Variants in ZNF892 observed in about 807,000 individuals in gnomAD.
ZNF892 encodes the protein zinc finger protein 892.
chr2:95,214,753 A>C, the ZNF892 span: 7 of 444,972 alleles, frequency 1.6e-5, no homozygotes, highest in Non-Finnish European at 2.9e-5. Flanking sequence ...GTCTTGCATC[A>C]GAGAATTCAC....
the ZNF892 span, among the ~76,000 whole-genome samples, chr2:95,240,335 A>G: frequency 3.3e-5 from 5 of 152,218 alleles, no homozygotes; most frequent in African/African-American, 1.2e-4. Flanking sequence ...GCAATGGCCC[A>G]CACAGGAGCA....
At chr2:95,252,743 A>C in the ZNF892 span, among the ~76,000 whole-genome samples, 10 of 152,110 alleles carry the variant, frequency 6.6e-5, no homozygotes, top group South Asian at 6.2e-4. Flanking sequence ...CCTCTCCAGC[A>C]CCTGTTGTTT....
chr2:95,258,199 C>T, the ZNF892 span, among the ~76,000 whole-genome samples: 560 of 152,324 alleles, frequency 3.7e-3, 5 homozygotes, highest in Non-Finnish European at 5.6e-3. Context: ...CCTATTTGGC[C>T]ATCTTGGCTC....
chr2:95,211,872 G>C, the ZNF892 span, among the ~76,000 whole-genome samples: 1 of 152,216 alleles, frequency 6.6e-6, no homozygotes, highest in South Asian at 2.1e-4. Context: ...TCTGGATATA[G>C]TTTTAACACT....
At chr2:95,207,635 G>C in the ZNF892 span, 1 of 393,960 alleles carries the variant, frequency 2.5e-6, no homozygotes, top group Non-Finnish European at 4.5e-6. Flanking sequence ...GGTAGAGGAG[G>C]GCTGAACGCA....
the ZNF892 span, among the ~76,000 whole-genome samples, chr2:95,240,915 T>C: frequency 6.6e-5 from 10 of 152,320 alleles, no homozygotes; most frequent in African/African-American, 2.2e-4. Context: ...AGCAGCACCT[T>C]GATCCATTCC....
the ZNF892 span, among the ~76,000 whole-genome samples, chr2:95,233,533 CGTGGTGGTGGGCGCCT>C: frequency 1.3e-5 from 2 of 150,718 alleles, no homozygotes; most frequent in African/African-American, 4.9e-5. Context: ...ATTAGCCGGG[CGTGGTGGTGGGCGCCT>C]GTAGTCCCAG....
At chr2:95,232,825 G>GTATGTATATA in the ZNF892 span, among the ~76,000 whole-genome samples, 27 of 152,308 alleles carry the variant, frequency 1.8e-4, no homozygotes, top group African/African-American at 6.5e-4. Flanking sequence ...GTATGTATAT[G>GTATGTATATA]TATGTATTTA....
chr2:95,243,556 A>C, the ZNF892 span, among the ~76,000 whole-genome samples: 1 of 146,754 alleles, frequency 6.8e-6, no homozygotes, highest in Non-Finnish European at 1.5e-5. Flanking sequence ...CTGAGAAGTG[A>C]GGAGACCCTC....
At chr2:95,244,110 A>C in the ZNF892 span, among the ~76,000 whole-genome samples, 1 of 150,918 alleles carries the variant, frequency 6.6e-6, no homozygotes, top group Non-Finnish European at 1.5e-5. Flanking sequence ...GGGCGGTGCA[A>C]GATGTGCTTT....
the ZNF892 span, among the ~76,000 whole-genome samples, chr2:95,218,899 C>T: frequency 6.6e-6 from 1 of 152,208 alleles, no homozygotes; most frequent in African/African-American, 2.4e-5. Flanking sequence ...CAGAACCTAT[C>T]TCCAAATATA....
chr2:95,241,567 C>G, the ZNF892 span, among the ~76,000 whole-genome samples: 4 of 152,154 alleles, frequency 2.6e-5, no homozygotes, highest in Admixed American at 1.3e-4. Flanking sequence ...GCTGAAAACT[C>G]AAAAAGCCAG....
chr2:95,217,842 C>G, the ZNF892 span, among the ~76,000 whole-genome samples: 2 of 152,154 alleles, frequency 1.3e-5, no homozygotes, highest in African/African-American at 4.8e-5. Flanking sequence ...GCCCCTAAGT[C>G]TTCAGTTGGA....
chr2:95,253,273 A>G, the ZNF892 span, among the ~76,000 whole-genome samples: 6 of 152,292 alleles, frequency 3.9e-5, no homozygotes, highest in South Asian at 1.2e-3. Flanking sequence ...AGGTGTAAGG[A>G]AGGGATCCAG....
At chr2:95,237,434 A>C in the ZNF892 span, among the ~76,000 whole-genome samples, 1 of 152,270 alleles carries the variant, frequency 6.6e-6, no homozygotes, top group South Asian at 2.1e-4. Flanking sequence ...ACCGCCATTA[A>C]GATGGTGAAC....
At chr2:95,243,181 G>A in the ZNF892 span, among the ~76,000 whole-genome samples, 2 of 152,266 alleles carry the variant, frequency 1.3e-5, no homozygotes, top group South Asian at 4.1e-4. Flanking sequence ...GAGTGCAGTG[G>A]CGTGATCTCG....
chr2:95,244,837 G>A, the ZNF892 span, among the ~76,000 whole-genome samples: 1 of 152,122 alleles, frequency 6.6e-6, no homozygotes, highest in Non-Finnish European at 1.5e-5. Flanking sequence ...ATAACAAACA[G>A]TCTCTCAGAT....
the ZNF892 span, among the ~76,000 whole-genome samples, chr2:95,220,222 G>A: frequency 2.0e-5 from 3 of 152,188 alleles, no homozygotes; most frequent in Admixed American, 6.5e-5. Flanking sequence ...GTTTGTTGGC[G>A]GGGATAGGAC....
chr2:95,247,800 T>A, the ZNF892 span, among the ~76,000 whole-genome samples: 1 of 152,162 alleles, frequency 6.6e-6, no homozygotes, highest in Non-Finnish European at 1.5e-5. Context: ...GATACCATCT[T>A]ACACCAGTAA....
Sources: allele counts gnomAD v4.1 joint callset (sites outside exome capture counted in the v4.1 genomes callset), GRCh38; gene constraint gnomAD v4.1.1; transcripts MANE v1.5; gene names NCBI Gene and HGNC (gene_info 2026-07-23, HGNC 2026-07-21).